Variants in ST6GALNAC3 observed in about 807,000 individuals in gnomAD.
ST6GALNAC3 encodes the protein alpha-N-acetylgalactosaminide alpha-2,6-sialyltransferase 3.
In ST6GALNAC3, 25 loss-of-function variants were observed where a neutral mutation model predicts 32.7. That is an observed-to-expected ratio of 0.76 (90% CI 0.56 to 1.07). The LOEUF (loss-of-function observed/expected upper bound fraction) is 1.07. Among genes scored for constraint, ST6GALNAC3 ranks in the 50% least tolerant of loss-of-function variants. ST6GALNAC3 has a pLI of 0.00. For synonymous variants in ST6GALNAC3, 129 were observed against 133.1 expected (o/e 0.97, Z 0.21); for missense variants, 355 against 382.4 (o/e 0.93, Z 0.60).
Position 76,627,389 on chromosome 1 carries a change from T to G in ST6GALNAC3, c.624-63T>G, listed in dbSNP as rs910876389. On this transcript the variant is annotated intron_variant, in intron 3 of 4. Coordinates refer to ENST00000328299, the MANE Select transcript of ST6GALNAC3 (RefSeq NM_152996.4). Reference sequence around the variant, plus strand: ...TGTTGCTCGTTTCTCACACACCTTATTGTTCTGTGTGTGTGTTCTGTGTTT... The same window carrying G: ...TGTTGCTCGTTTCTCACACACCTTAGTGTTCTGTGTGTGTGTTCTGTGTTT... The G allele has an allele frequency of 1.3e-5, 14 of 1,063,266 alleles. No individual in the cohort carries two copies. The Admixed American group carries it at 2.5e-4, about 19-fold the overall frequency. The allele number at this position is 1,063,266 out of a possible 1,614,324, so 65.9% of individuals were successfully genotyped here.
chr1:76,198,577 A>G (rs1426535127), intron 1 of ST6GALNAC3, among the ~76,000 whole-genome samples: 2 of 152,154 alleles, frequency 1.3e-5, no homozygotes, highest in Admixed American at 1.3e-4. Context: ...AGATAGATTT[A>G]ACAGGGTTTG....
At chr1:76,566,718 G>T (rs940233846) in intron 3 of ST6GALNAC3, among the ~76,000 whole-genome samples, 1 of 152,032 alleles carries the variant, frequency 6.6e-6, no homozygotes, top group Non-Finnish European at 1.5e-5. Flanking sequence ...TCTCTTGCCC[G>T]GTTTAATTCT....
chr1:76,118,581 G>T (rs1173281912), intron 1 of ST6GALNAC3, among the ~76,000 whole-genome samples: 1 of 152,120 alleles, frequency 6.6e-6, no homozygotes, highest in African/African-American at 2.4e-5. Flanking sequence ...CCACTACACT[G>T]CCTATTTCAA....
intron 1 of ST6GALNAC3, among the ~76,000 whole-genome samples, chr1:76,127,890 CTT>C (rs2100855877): frequency 6.6e-6 from 1 of 152,296 alleles, no homozygotes; most frequent in East Asian, 1.9e-4. Flanking sequence ...CATCTGCAGT[CTT>C]TACTCTCACC....
At chr1:76,385,734 AAGATAT>A (rs566819863) in intron 2 of ST6GALNAC3, among the ~76,000 whole-genome samples, 120 of 152,146 alleles carry the variant, frequency 7.9e-4, no homozygotes, top group African/African-American at 2.4e-3. Flanking sequence ...GCGAGAAGGG[AAGATAT>A]TTTGGAAACT....
At position 76,412,120 on chromosome 1, in the gene ST6GALNAC3, A is replaced by C; in HGVS notation, c.326A>C (p.Asn109Thr). 6.2e-7 allele frequency: 1 copy of C among 1,613,732 alleles called. No homozygotes were observed. Among genetic ancestry groups the C allele is most frequent in the Non-Finnish European group, 8.5e-7 (1 of 1,179,806 alleles). The stretch of plus-strand genomic sequence containing the variant: ...TCCTCCTGCATTTGGAGAATGAACA[A>C]TGCCCCCACCAAAGGTTATGAAGAA... ...DRSSCIWRMN[N>T]APTKGYEEDV... Residue 109 changes from asparagine to threonine, a missense_variant, in exon 3 of 5, where the codon AAT becomes ACT. Transcript: ENST00000328299.
intron 3 of ST6GALNAC3, among the ~76,000 whole-genome samples, chr1:76,494,466 T>TACACACAC (rs1486372356): frequency 3.9e-5 from 2 of 50,716 alleles, no homozygotes; most frequent in African/African-American, 1.4e-4. Flanking sequence ...TATATATATA[T>TACACACAC]ATACACACAC....
At chr1:76,341,629 C>A (rs186621175) in intron 2 of ST6GALNAC3, among the ~76,000 whole-genome samples, 2 of 130,566 alleles carry the variant, frequency 1.5e-5, no homozygotes, top group African/African-American at 3.1e-5. Context: ...TTCTTTCTTT[C>A]TTTCTTTCTT....
At chr1:76,127,658 A>G (rs1244277136) in intron 1 of ST6GALNAC3, among the ~76,000 whole-genome samples, 3 of 152,174 alleles carry the variant, frequency 2.0e-5, no homozygotes, top group East Asian at 3.9e-4. Context: ...TGCTTTTAGT[A>G]GCATCGAATG....
At chr1:76,350,419 G>T (rs1284293218) in intron 2 of ST6GALNAC3, among the ~76,000 whole-genome samples, 1 of 152,024 alleles carries the variant, frequency 6.6e-6, no homozygotes, top group Admixed American at 6.6e-5. Context: ...GGTTCAAAAA[G>T]AAATATTTAA....
chr1:76,216,400 G>A (rs1655465861), intron 1 of ST6GALNAC3, among the ~76,000 whole-genome samples: 1 of 152,240 alleles, frequency 6.6e-6, no homozygotes, highest in African/African-American at 2.4e-5. Flanking sequence ...GGCAAGTATA[G>A]TGCCAGGCTT....
intron 1 of ST6GALNAC3, among the ~76,000 whole-genome samples, chr1:76,236,421 A>G (rs573084409): frequency 3.5e-4 from 54 of 152,318 alleles, no homozygotes; most frequent in Non-Finnish European, 6.8e-4. Flanking sequence ...AAAAATTGCT[A>G]TGTGAGGGTT....
intron 3 of ST6GALNAC3, among the ~76,000 whole-genome samples, chr1:76,554,910 G>T (rs1188508227): frequency 1.3e-5 from 2 of 152,094 alleles, no homozygotes; most frequent in African/African-American, 4.8e-5. Flanking sequence ...TAATATTCAA[G>T]AAAAACACAT....
At chr1:76,429,107 G>C (rs1655582475) in intron 3 of ST6GALNAC3, among the ~76,000 whole-genome samples, 1 of 152,058 alleles carries the variant, frequency 6.6e-6, no homozygotes, top group African/African-American at 2.4e-5. Flanking sequence ...TTATATATTT[G>C]TGTGTGTGTA....
chr1:76,087,966 G>A (rs966543170), intron 1 of ST6GALNAC3, among the ~76,000 whole-genome samples: 12 of 152,102 alleles, frequency 7.9e-5, no homozygotes, highest in African/African-American at 2.7e-4. Flanking sequence ...ACTGAGGCTC[G>A]GAGAGAACTT....
At position 76,253,004 on chromosome 1, in the gene ST6GALNAC3, G is replaced by T. The variant is rs998330160; in HGVS notation, c.19-60801G>T. ...GAGGTAGAGAAGTGAGAATTTAAAAGAATTTTACCACTTCCATATTGTGTT... is the reference window on the plus strand; with the variant it reads ...GAGGTAGAGAAGTGAGAATTTAAAATAATTTTACCACTTCCATATTGTGTT... On this transcript the variant is annotated intron_variant, in intron 1 of 4. Transcript: ENST00000328299. Among the ~76,000 whole-genome samples the T allele has an allele frequency of 3.9e-5, 6 of 152,134 alleles. No individual in the cohort carries two copies. In the South Asian group the frequency reaches 8.3e-4, roughly 21 times the overall value.
At chr1:76,555,921 T>C (rs1487697081) in intron 3 of ST6GALNAC3, among the ~76,000 whole-genome samples, 2 of 152,132 alleles carry the variant, frequency 1.3e-5, no homozygotes, top group African/African-American at 4.8e-5. Flanking sequence ...TTAAGGCATA[T>C]GATACTGTGT....
intron 3 of ST6GALNAC3, among the ~76,000 whole-genome samples, chr1:76,619,638 C>A (rs929401070): frequency 6.6e-6 from 1 of 152,032 alleles, no homozygotes; most frequent in African/African-American, 2.4e-5. Context: ...TATGAAACAT[C>A]AAGATATCTC....
At chr1:76,154,385 G>T (rs1651256688) in intron 1 of ST6GALNAC3, among the ~76,000 whole-genome samples, 1 of 152,178 alleles carries the variant, frequency 6.6e-6, no homozygotes, top group South Asian at 2.1e-4. Context: ...GAAGAGCACT[G>T]CATTTAAGCT....
Sources: allele counts gnomAD v4.1 joint callset (sites outside exome capture counted in the v4.1 genomes callset), GRCh38; gene constraint gnomAD v4.1.1; transcripts MANE v1.5; gene names NCBI Gene and HGNC (gene_info 2026-07-23, HGNC 2026-07-21).